The following GSE1 variants were observed in gnomAD, a reference collection of about 807,000 sequenced individuals.
The protein encoded by GSE1 is Gse1 coiled-coil protein, also known as genetic suppressor element 1.
A neutral mutation model predicts 112.6 loss-of-function variants in GSE1; 32 were observed. That is an observed-to-expected ratio of 0.28 (90% CI 0.21 to 0.38). The LOEUF (loss-of-function observed/expected upper bound fraction) is 0.38, where lower values mean the gene tolerates loss of function less well. Ranked by LOEUF, GSE1 falls within the 10% of genes least tolerant of loss-of-function variation. The probability of loss-of-function intolerance (pLI) is 1.00; values close to 1 mark genes in which losing one functional copy is unlikely to be tolerated. For synonymous variants in GSE1, 1,115 were observed against 735.6 expected, an observed-to-expected ratio of 1.52 and a Z score of -8.35; for missense variants, 2,348 against 1,699.2, an observed-to-expected ratio of 1.38 and a Z score of -6.71.
intron 1 of GSE1, among the ~76,000 whole-genome samples, chr16:85,244,905 C>T (rs889189073): frequency 2.0e-5 from 3 of 150,724 alleles, no homozygotes; most frequent in Non-Finnish European, 4.4e-5. Flanking sequence ...GCAGGAGAAT[C>T]GCTTGAACCC....
At chr16:85,256,523 C>T (rs1439520694) in intron 1 of GSE1, among the ~76,000 whole-genome samples, 1 of 152,218 alleles carries the variant, frequency 6.6e-6, no homozygotes, top group Non-Finnish European at 1.5e-5. Flanking sequence ...GTCAGGGCCG[C>T]CCAGGCACGT....
At chr16:85,572,328 C>G (rs557068389) in intron 1 of GSE1, among the ~76,000 whole-genome samples, 4 of 149,564 alleles carry the variant, frequency 2.7e-5, no homozygotes, top group African/African-American at 9.8e-5. Flanking sequence ...ACACACCACA[C>G]ACACCACATA....
chr16:85,318,385 TC>T, intron 1 of GSE1, among the ~76,000 whole-genome samples: 1 of 152,138 alleles, frequency 6.6e-6, no homozygotes, highest in Non-Finnish European at 1.5e-5. Context: ...TGTCTTCGCC[TC>T]CCAAGTAGCT....
At chr16:85,629,194 G>C (rs986145780) in intron 1 of GSE1, among the ~76,000 whole-genome samples, 1 of 152,216 alleles carries the variant, frequency 6.6e-6, no homozygotes, top group Admixed American at 6.5e-5. Flanking sequence ...AGAGTCAGGA[G>C]CCAAAATAAG....
chr16:85,245,912 C>T (rs552322130), intron 1 of GSE1, among the ~76,000 whole-genome samples: 1 of 148,706 alleles, frequency 6.7e-6, no homozygotes, highest in African/African-American at 2.5e-5. Context: ...GAGGTGTCTA[C>T]GTGTGTGTGG....
chr16:85,294,132 G>A (rs1361618628), intron 1 of GSE1, among the ~76,000 whole-genome samples: 1 of 152,206 alleles, frequency 6.6e-6, no homozygotes, highest in East Asian at 1.9e-4. Context: ...CAGGTGGCCT[G>A]TTCCAGCTGG....
intron 1 of GSE1, among the ~76,000 whole-genome samples, chr16:85,260,309 TTTTTC>T (rs1354860703): frequency 2.1e-5 from 3 of 141,628 alleles, no homozygotes; most frequent in South Asian, 2.2e-4. Context: ...TTCCTTTTTC[TTTTTC>T]TTTTCTTTTT....
upstream of GSE1, among the ~76,000 whole-genome samples, chr16:85,610,717 G>T (rs1270514778): frequency 6.6e-6 from 1 of 152,170 alleles, no homozygotes; most frequent in East Asian, 1.9e-4. Flanking sequence ...GCAGCGCCTC[G>T]CTCCCCTAGG....
At chr16:85,627,927 A>G (rs2049215839) in intron 1 of GSE1, among the ~76,000 whole-genome samples, 1 of 152,120 alleles carries the variant, frequency 6.6e-6, no homozygotes, top group Non-Finnish European at 1.5e-5. Context: ...GCCAGAGAAC[A>G]CCTGCACGGG....
At chr16:85,667,305 T>C (rs1489203041) in intron 13 of GSE1, among the ~76,000 whole-genome samples, 2 of 152,392 alleles carry the variant, frequency 1.3e-5, no homozygotes, top group East Asian at 3.9e-4. Context: ...CATACCAGTT[T>C]GAGCCAAGTC....
At chr16:85,422,559 G>A (rs550940447) in intron 2 of GSE1, among the ~76,000 whole-genome samples, 60 of 150,856 alleles carry the variant, frequency 4.0e-4, no homozygotes, top group African/African-American at 1.1e-3. Context: ...AGCCACTGTG[G>A]GCCTTGCCCT....
chr16:85,246,906 G>A (rs530808911), intron 1 of GSE1, among the ~76,000 whole-genome samples: 1 of 152,124 alleles, frequency 6.6e-6, no homozygotes, highest in Non-Finnish European at 1.5e-5. Flanking sequence ...GGGGAGCTTG[G>A]TAGAGGGGCT....
chr16:85,638,085 C>T (rs1360798602), intron 2 of GSE1, among the ~76,000 whole-genome samples: 1 of 152,222 alleles, frequency 6.6e-6, no homozygotes, highest in Admixed American at 6.5e-5. Context: ...TTCTCACTCA[C>T]CCTGACCCTC....
chr16:85,226,838 C>T (rs958821305), intron 1 of GSE1, among the ~76,000 whole-genome samples: 16 of 146,896 alleles, frequency 1.1e-4, no homozygotes, highest in African/African-American at 4.0e-4. Context: ...AAGGAGCTAG[C>T]ACCCCTCTGT....
intron 1 of GSE1, among the ~76,000 whole-genome samples, chr16:85,276,240 G>A (rs1597260957): frequency 6.6e-6 from 1 of 152,268 alleles, no homozygotes; most frequent in South Asian, 2.1e-4. Flanking sequence ...CCCATGCTGA[G>A]CATTGCTTTC....
intron 2 of GSE1, among the ~76,000 whole-genome samples, chr16:85,362,146 A>G (rs1432557074): frequency 6.6e-6 from 1 of 152,176 alleles, no homozygotes; most frequent in Non-Finnish European, 1.5e-5. Context: ...GCAAGGCCCA[A>G]ACGGACTGAC....
At chr16:85,169,947 C>T (rs2074331530) in exon 1 of GSE1, 1 of 984,496 alleles carries the variant, frequency 1.0e-6, no homozygotes, top group African/African-American at 1.8e-5. Context: ...GGAACGTCGC[C>T]TACGCGCTGG....
intron 2 of GSE1, among the ~76,000 whole-genome samples, chr16:85,454,806 T>C (rs2049780626): frequency 6.6e-6 from 1 of 152,046 alleles, no homozygotes; most frequent in African/African-American, 2.4e-5. Context: ...CACGTCTCCT[T>C]CTCTGTTTCT....
intron 8 of GSE1, among the ~76,000 whole-genome samples, chr16:85,660,945 A>G (rs1598654177): frequency 1.3e-5 from 2 of 152,118 alleles, no homozygotes; most frequent in South Asian, 4.1e-4. Flanking sequence ...TTTAAAGAAA[A>G]GAAAGGAAAA....
Sources: gnomAD v4.1 joint callset for allele counts (sites outside exome capture counted in the v4.1 genomes callset) on GRCh38, gnomAD v4.1.1 for gene constraint, MANE v1.5 for transcripts, NCBI Gene and HGNC (gene_info 2026-07-23, HGNC 2026-07-21) for gene names.